Variants in MALL observed in about 807,000 individuals in gnomAD.
The protein encoded by MALL is MAL-like protein.
A neutral mutation model predicts 10.3 loss-of-function variants in MALL; 2 were observed. The observed-to-expected ratio is 0.19, with a 90% confidence interval of 0.08 to 0.61. The LOEUF (loss-of-function observed/expected upper bound fraction) is 0.61. Among genes scored for constraint, MALL ranks in the 20% least tolerant of loss-of-function variants. The pLI is 0.88. For synonymous variants in MALL, 27 were observed against 51.8 expected, an observed-to-expected ratio of 0.52 and a Z score of 2.05; for missense variants, 39 against 115.2, an observed-to-expected ratio of 0.34 and a Z score of 3.03.
At chr2:110,097,580 CA>C (rs1170271748) in intron 1 of MALL, 12 of 456,088 alleles carry the variant, frequency 2.6e-5, no homozygotes, top group African/African-American at 2.4e-4. Context: ...GGTTCTGAGA[CA>C]GACGCTGCCT....
chr2:110,095,589 A>G (rs1172492442), intron 1 of MALL, among the ~76,000 whole-genome samples: 1 of 150,808 alleles, frequency 6.6e-6, no homozygotes, highest in Non-Finnish European at 1.5e-5. Flanking sequence ...ATTTCCAACT[A>G]AAAAAAAATA....
At chr2:110,097,705 G>A (rs1480849463) in intron 1 of MALL, 1 of 338,662 alleles carries the variant, frequency 3.0e-6, no homozygotes, top group East Asian at 9.3e-5. Context: ...GGGTGGGGCA[G>A]ACAAGGAGCT....
At chr2:110,108,669 C>T (rs764454218) in intron 1 of MALL, among the ~76,000 whole-genome samples, 20 of 152,046 alleles carry the variant, frequency 1.3e-4, no homozygotes, top group Non-Finnish European at 2.8e-4. Context: ...CCTAGACAGC[C>T]AAATATAAGA....
At position 110,115,439 on chromosome 2, in the gene MALL, G is replaced by A. The variant is rs1321324061; in HGVS notation, c.105+249C>T. On this transcript the variant is annotated intron_variant, in intron 1 of 3. Coordinates refer to ENST00000272462, the MANE Select transcript of MALL (RefSeq NM_005434.5). The stretch of plus-strand genomic sequence containing the variant: ...CTGCGCCCCGCTGTGCGCCCGGTGG[G>A]AGGCTGGCAGCCACCGCAGCCCCTG... Among the ~76,000 whole-genome samples, 6 of 139,364 alleles carry A rather than the reference G, an allele frequency of 4.3e-5. No individual in the cohort carries two copies. The Admixed American group carries it at 4.6e-4, about 11-fold the overall frequency. 91.4% of individuals were successfully genotyped at this position (139,364 alleles called of 152,430 possible).
chr2:110,103,723 G>A (rs965925333), intron 1 of MALL, among the ~76,000 whole-genome samples: 27 of 152,148 alleles, frequency 1.8e-4, no homozygotes, highest in Admixed American at 8.5e-4. Context: ...GGACCCCTCC[G>A]GGTGGGCTGG....
chr2:110,096,580 A>G (rs1678444391), intron 1 of MALL, among the ~76,000 whole-genome samples: 1 of 152,064 alleles, frequency 6.6e-6, no homozygotes. Context: ...GGCCTCTCTA[A>G]AGGATGGGAA....
At chr2:110,095,489 A>T (rs571314755) in intron 1 of MALL, among the ~76,000 whole-genome samples, 1 of 152,114 alleles carries the variant, frequency 6.6e-6, no homozygotes, top group East Asian at 1.9e-4. Flanking sequence ...GGAGCTTAAC[A>T]ATAGGTTTTT....
chr2:110,115,775 C>A lies in MALL; in HGVS notation c.18G>T (p.Pro6=). Residue 6 remains proline, a synonymous_variant, in exon 1 of 4, where the codon CCG becomes CCT. Coordinates refer to ENST00000272462, the MANE Select transcript of MALL (RefSeq NM_005434.5). MASPD[P]PATSYAPSDV... ...CGGACGGGGCGTAGCTGGTGGCGGG[C>A]GGGTCGGGCGAGGCCATGCTGTCAG... 1 of 1,273,532 alleles carries A rather than the reference C, an allele frequency of 7.9e-7. No homozygotes were observed. Among genetic ancestry groups the A allele is most frequent in the Middle Eastern group, 2.3e-4 (1 of 4,302 alleles). 78.9% of individuals were successfully genotyped at this position (1,273,532 alleles called of 1,614,324 possible).
chr2:110,102,995 GT>G (rs1678607753), intron 1 of MALL, among the ~76,000 whole-genome samples: 1 of 152,202 alleles, frequency 6.6e-6, no homozygotes, highest in African/African-American at 2.4e-5. Flanking sequence ...AGGGAGGCTG[GT>G]GGGGGTATCT....
chr2:110,097,978 C>G (rs537116826), intron 1 of MALL, among the ~76,000 whole-genome samples: 1 of 152,106 alleles, frequency 6.6e-6, no homozygotes, highest in Admixed American at 6.6e-5. Context: ...CATCAGCACA[C>G]AGGTGAGCCG....
At position 110,097,222 on chromosome 2, in the gene MALL, C is replaced by A. The variant is rs138687914; in HGVS notation, c.106-5452G>T. 8.6e-4 allele frequency among the ~76,000 whole-genome samples: 131 copies of A among 151,798 alleles called. 1 individual carries two copies. In the East Asian group the frequency reaches 0.015, roughly 17 times the overall value. On this transcript the variant is annotated intron_variant, in intron 1 of 3. Transcript: ENST00000272462. ...GCAGAAAAATAAGAAAATGCATGTG[C>A]GAGTGTCTGTGTATATGTGCATTTG... is the stretch of plus-strand genomic sequence containing the variant.
chr2:110,111,304 G>A (rs756998994), intron 1 of MALL, among the ~76,000 whole-genome samples: 10 of 152,170 alleles, frequency 6.6e-5, no homozygotes, highest in South Asian at 2.1e-4. Flanking sequence ...CGATATGATC[G>A]TTTAACTTGA....
chr2:110,115,542 C>A (rs184708229), intron 1 of MALL, 146 bp downstream of exon 1: 86 of 430,550 alleles, frequency 2.0e-4, no homozygotes, highest in East Asian at 6.1e-4. Flanking sequence ...GTCTCCCCCC[C>A]CCTCTCTGCA....
chr2:110,099,521 C>T (rs1406130812), intron 1 of MALL, among the ~76,000 whole-genome samples: 1 of 152,138 alleles, frequency 6.6e-6, no homozygotes, highest in Non-Finnish European at 1.5e-5. Flanking sequence ...AGTGTTCTAG[C>T]TTTTTCCTGT....
chr2:110,097,280 C>T (rs1678464430), intron 1 of MALL, among the ~76,000 whole-genome samples: 1 of 151,902 alleles, frequency 6.6e-6, no homozygotes, highest in Non-Finnish European at 1.5e-5. Context: ...CAGAATGAGA[C>T]CCAATCAGCC....
chr2:110,115,694 G>C lies in MALL; in HGVS notation c.99C>G (p.Pro33=). The change falls in exon 1 of 4, where the codon CCC becomes CCG. Residue 33 remains proline (P), a synonymous_variant. Transcript: ENST00000272462. Reference sequence around the variant, plus strand: ...TCGGGGGTGCCGCACTCACCAGCTCGGGCAGGAAGAAGGCGAAAGGGATGG... The same window carrying C: ...TCGGGGGTGCCGCACTCACCAGCTCCGGCAGGAAGAAGGCGAAAGGGATGG... ...FLTIPFAFFL[P]ELIFGFLVWT... 9.4e-6 allele frequency: 12 copies of C among 1,282,602 alleles called. No individual in the cohort carries two copies. The highest frequency in any genetic ancestry group is 1.2e-5 in the Non-Finnish European group (12 of 1,007,724). 79.5% of individuals were successfully genotyped at this position (1,282,602 alleles called of 1,614,324 possible).
At chr2:110,101,239 G>A (rs907533401) in intron 1 of MALL, among the ~76,000 whole-genome samples, 2 of 152,178 alleles carry the variant, frequency 1.3e-5, no homozygotes, top group Non-Finnish European at 2.9e-5. Context: ...TACCCAGTAG[G>A]GGTGTGGCAG....
rs199987381 is a variant in MALL at position 110,115,694 on chromosome 2, G to T, written c.99C>A (p.Pro33=). The T allele has an allele frequency of 7.8e-7, 1 of 1,282,602 alleles. No homozygotes were observed. The highest frequency in any genetic ancestry group is 9.9e-7 in the Non-Finnish European group (1 of 1,007,724). The allele number at this position is 1,282,602 out of a possible 1,614,324, so 79.5% of individuals were successfully genotyped here. A position where few individuals can be genotyped will look rare whatever the true frequency, so the allele number is the denominator to read the frequency against. Residue 33 remains proline, a synonymous_variant, in exon 1 of 4, where the codon CCC becomes CCA. Coordinates refer to ENST00000272462, the MANE Select transcript of MALL (RefSeq NM_005434.5). ...TCGGGGGTGCCGCACTCACCAGCTC[G>T]GGCAGGAAGAAGGCGAAAGGGATGG... ...FLTIPFAFFL[P]ELIFGFLVWT... is the part of the protein sequence containing the mutation.
intron 1 of MALL, among the ~76,000 whole-genome samples, chr2:110,100,506 G>C (rs1388379846): frequency 6.6e-6 from 1 of 151,902 alleles, no homozygotes; most frequent in Non-Finnish European, 1.5e-5. Context: ...AGCAGACTAG[G>C]ATGTAAAGTT....
Sources: gnomAD v4.1 joint callset for allele counts (sites outside exome capture counted in the v4.1 genomes callset) on GRCh38, gnomAD v4.1.1 for gene constraint, MANE v1.5 for transcripts, NCBI Gene and HGNC (gene_info 2026-07-23, HGNC 2026-07-21) for gene names.